Variants in TBX4 observed in about 807,000 individuals in gnomAD.
TBX4 encodes T-box transcription factor TBX4.
In TBX4, 13 loss-of-function variants were observed where a neutral mutation model predicts 54.6. The observed-to-expected ratio is 0.24, with a 90% CI of 0.15 to 0.38. The LOEUF is 0.38. Ranked by LOEUF, TBX4 falls within the 10% of genes least tolerant of loss-of-function variation. The pLI is 1.00. For missense variants in TBX4, 631 were observed against 728.5 expected (o/e 0.87, Z 1.54); for synonymous variants, 314 against 306.7 (o/e 1.02, Z -0.25).
chr17:61,477,923 A>G lies in TBX4; in HGVS notation c.550-704A>G, dbSNP rs567051311. ...GGCACTGCAGTCCAGCCTGGGCAACAAGAGTGAGATTCCATCTCAAAAAAA... is the reference window on the plus strand; with the variant it reads ...GGCACTGCAGTCCAGCCTGGGCAACGAGAGTGAGATTCCATCTCAAAAAAA... On this transcript the variant is annotated intron_variant, in intron 5 of 8. Coordinates refer to ENST00000644296, the MANE Select transcript of TBX4 (RefSeq NM_001321120.2). 7.5e-4 allele frequency among the ~76,000 whole-genome samples: 112 copies of G among 149,186 alleles called. 1 individual carries two copies. The highest frequency in any genetic ancestry group is 1.3e-3 in the Non-Finnish European group (90 of 67,366).
rs2060460260 is a variant in TBX4, at chr17:61,457,421, T to A, written c.187-116T>A. The A allele has an allele frequency of 2.3e-6, 2 of 870,916 alleles. No individual in the cohort carries two copies. The highest frequency in any genetic ancestry group is 1.9e-5 in the Admixed American group (1 of 51,608). The allele number at this position is 870,916 out of a possible 1,614,324, so 53.9% of individuals were successfully genotyped here. A position where few individuals can be genotyped will look rare whatever the true frequency, so the allele number is the denominator to read the frequency against. ...TTCTGTGAAACGAAATCTGGAGCCA[T>A]GGGCTCCGGGCGGGCAGGGTTCCGC... On this transcript the variant is annotated intron_variant, in intron 2 of 8. Transcript: ENST00000644296. This position sits in a 1 kb window ranked among gnomAD's most constrained non-coding sequence, Gnocchi z 8.2.
At chr17:61,466,050 C>T (rs1235761129) in intron 4 of TBX4, 112 bp downstream of exon 4, 1 of 1,533,664 alleles carries the variant, frequency 6.5e-7, no homozygotes, top group African/African-American at 1.4e-5. Flanking sequence ...CTGCCCAGGT[C>T]TGCAGGCTGG....
chr17:61,480,234 G>T lies in TBX4; in HGVS notation c.936G>T (p.Gln312His). The T allele has an allele frequency of 6.2e-7, 1 of 1,614,104 alleles. No individual in the cohort carries two copies. The highest frequency in any genetic ancestry group is 8.5e-7 in the Non-Finnish European group (1 of 1,180,012). ...HYQHENGAHSQLAEPQDLPLS... is the reference protein window; with the variant it reads ...HYQHENGAHSHLAEPQDLPLS... Reference sequence around the variant, plus strand: ...AGCACGAGAACGGGGCACACTCACAGCTCGCGGAGCCGCAGGACCTGCCCC... The same window carrying T: ...AGCACGAGAACGGGGCACACTCACATCTCGCGGAGCCGCAGGACCTGCCCC... The change falls in exon 8 of 9, where the codon CAG (glutamine) becomes CAT (histidine). Residue 312 changes from glutamine to histidine, a missense_variant. Gln to His is a conservative substitution (Grantham distance 24). Transcript: ENST00000644296. This position sits in a 1 kb window ranked among gnomAD's most constrained non-coding sequence, Gnocchi z 6.2.
intron 5 of TBX4, among the ~76,000 whole-genome samples, chr17:61,470,991 G>A (rs1486427679): frequency 6.6e-6 from 1 of 152,240 alleles, no homozygotes; most frequent in Admixed American, 6.5e-5. Context: ...TGGCATGCAG[G>A]TATCCCAGAT....
At position 61,480,685 on chromosome 17, in the gene TBX4, T is replaced by C. The variant is rs926109137; in HGVS notation, c.1021+366T>C. Among the ~76,000 whole-genome samples the C allele has an allele frequency of 1.4e-5, 2 of 147,424 alleles. No individual in the cohort carries two copies. Among genetic ancestry groups the C allele is most frequent in the African/African-American group, 2.7e-5 (1 of 37,424 alleles). On this transcript the variant is annotated intron_variant, in intron 8 of 8. Transcript: ENST00000644296. This position sits in a 1 kb window ranked among gnomAD's most constrained non-coding sequence, Gnocchi z 6.2. Reference sequence around the variant, plus strand: ...CTGACACTTCCCAGTCCAGAGGTTTTGGGATTGGGGCTGTTGTTTGTCAAA... The same window carrying C: ...CTGACACTTCCCAGTCCAGAGGTTTCGGGATTGGGGCTGTTGTTTGTCAAA...
At position 61,465,967 on chromosome 17, in the gene TBX4, G is replaced by A. The variant is rs141696556; in HGVS notation, c.401+29G>A. On this transcript the variant is annotated intron_variant, in intron 4 of 8. Coordinates refer to ENST00000644296, the MANE Select transcript of TBX4 (RefSeq NM_001321120.2). This position sits in a 1 kb window ranked among gnomAD's most constrained non-coding sequence, Gnocchi z 4.9. ...AGTGGACCCTGACCGCATCACCCAC[G>A]TTCCCTCAACTGCCCACTTGCCACG... The A allele has an allele frequency of 5.9e-3, 9,440 of 1,612,754 alleles. 40 individuals are homozygous for A. The highest frequency in any genetic ancestry group is 7.5e-3 in the Non-Finnish European group (8,865 of 1,179,142).
At position 61,469,270 on chromosome 17, in the gene TBX4, CAGTA is replaced by C. The variant is rs1479134769; in HGVS notation, c.549+1614_549+1617del. ...GAGCGCTCTGGCCTTCACAGCCCAGCAGTAGCTTTTCACAGCCTGGCTAACCTCT... is the reference window on the plus strand; with the variant it reads ...GAGCGCTCTGGCCTTCACAGCCCAGCGCTTTTCACAGCCTGGCTAACCTCT... On this transcript the variant is annotated intron_variant, in intron 5 of 8. Coordinates refer to ENST00000644296, the MANE Select transcript of TBX4 (RefSeq NM_001321120.2). Among the ~76,000 whole-genome samples the C allele has an allele frequency of 5.3e-5, 8 of 152,286 alleles. No individual in the cohort carries two copies. In the East Asian group the frequency reaches 1.5e-3, roughly 29 times the overall value.
At position 61,483,095 on chromosome 17, in the gene TBX4, G is replaced by C. The variant is rs145825881; in HGVS notation, c.1220G>C (p.Gly407Ala). 2 of 1,614,106 alleles carry C rather than the reference G, an allele frequency of 1.2e-6. No individual in the cohort carries two copies. ...GGGCCCGAGATTGCCGGGGTGTCTG[G>C]GGTGGACGACCTGCCCCCACCTCCG... ...GSGPEIAGVSGVDDLPPPPLS... is the reference protein window; with the variant it reads ...GSGPEIAGVSAVDDLPPPPLS... The change falls in exon 9 of 9, where the codon GGG becomes GCG. Residue 407 changes from glycine (G) to alanine (A), a missense_variant. This residue lies in a region of TBX4 where 354 missense variants were observed against 368.9 expected (regional missense o/e 0.96). Coordinates refer to ENST00000644296, the MANE Select transcript of TBX4 (RefSeq NM_001321120.2). The surrounding 1 kb of genome is among the most constrained non-coding windows in gnomAD (Gnocchi z 6.6).
In TBX4 at chr17:61,484,347, G is replaced by A. The variant is rs972422173; in HGVS notation, c.*831G>A. The A allele has an allele frequency of 6.6e-6, 1 of 152,024 alleles. No homozygotes were observed. Among genetic ancestry groups the A allele is most frequent in the African/African-American group, 2.4e-5 (1 of 41,356 alleles). The allele number at this position is 152,024 out of a possible 1,614,324, so 9.4% of individuals were successfully genotyped here. A position where few individuals can be genotyped will look rare whatever the true frequency, so the allele number is the denominator to read the frequency against. On this transcript the variant is annotated 3_prime_UTR_variant, in exon 9 of 9. Transcript: ENST00000644296. This position sits in a 1 kb window ranked among gnomAD's most constrained non-coding sequence, Gnocchi z 4.1. ...CCAACATACAGTCTCTCACTCTGGT[G>A]TGTGGAGAGTCAGCCTCCCAGGCAC...
Position 61,460,855 on chromosome 17 carries a change from T to G in TBX4, c.281+3224T>G, listed in dbSNP as rs1041996239. Among the ~76,000 whole-genome samples the G allele has an allele frequency of 2.0e-5, 3 of 152,214 alleles. No homozygotes were observed. Among genetic ancestry groups the G allele is most frequent in the African/African-American group, 7.2e-5 (3 of 41,454 alleles). The stretch of plus-strand genomic sequence containing the variant: ...TATCAGCCTTCATAGCCTGTTGAGT[T>G]CAATGTTGCTTGTGTTAGTGACAGT... On this transcript the variant is annotated intron_variant, in intron 3 of 8. Coordinates refer to ENST00000644296, the MANE Select transcript of TBX4 (RefSeq NM_001321120.2). This position sits in a 1 kb window ranked among gnomAD's most constrained non-coding sequence, Gnocchi z 4.4.
At chr17:61,463,790 C>G (rs1392437427) in intron 3 of TBX4, among the ~76,000 whole-genome samples, 1 of 152,222 alleles carries the variant, frequency 6.6e-6, no homozygotes, top group East Asian at 1.9e-4. Flanking sequence ...CCAGGGCTGC[C>G]CCATTTTGTG....
At chr17:61,453,171 A>G (rs926796954) in intron 1 of TBX4, among the ~76,000 whole-genome samples, 1 of 152,274 alleles carries the variant, frequency 6.6e-6, no homozygotes, top group Non-Finnish European at 1.5e-5. Context: ...ATACAATCAT[A>G]GTCACTTTCA....
In TBX4 at chr17:61,483,116, C is replaced by T. The variant is rs1285411305; in HGVS notation, c.1241C>T (p.Pro414Leu). The change falls in exon 9 of 9, where the codon CCT becomes CTT. Residue 414 changes from proline (P) to leucine (L), a missense_variant. This residue lies in a region of TBX4 where 354 missense variants were observed against 368.9 expected (regional missense o/e 0.96). Transcript: ENST00000644296. The surrounding 1 kb of genome is among the most constrained non-coding windows in gnomAD (Gnocchi z 6.6). Reference sequence around the variant, plus strand: ...TCTGGGGTGGACGACCTGCCCCCACCTCCGCTGAGCTGTAACATGTGGACT... The same window carrying T: ...TCTGGGGTGGACGACCTGCCCCCACTTCCGCTGAGCTGTAACATGTGGACT... Reference protein sequence around the residue: ...GVSGVDDLPPPPLSCNMWTSV... With the variant: ...GVSGVDDLPPLPLSCNMWTSV... 1.2e-6 allele frequency: 2 copies of T among 1,614,030 alleles called. No homozygotes were observed. Among genetic ancestry groups the T allele is most frequent in the East Asian group, 4.5e-5 (2 of 44,872 alleles).
chr17:61,452,791 T>C (rs1400715818), intron 1 of TBX4: 1 of 521,126 alleles, frequency 1.9e-6, no homozygotes, highest in Admixed American at 6.4e-5. Flanking sequence ...CACCCAGTAG[T>C]TGGGGCACGA....
chr17:61,473,102 A>T (rs879572866), intron 5 of TBX4, among the ~76,000 whole-genome samples: 2 of 152,206 alleles, frequency 1.3e-5, no homozygotes, highest in Non-Finnish European at 2.9e-5. Flanking sequence ...TCCTTAAATT[A>T]TAAATTTACT....
chr17:61,482,989 C>T lies in TBX4; in HGVS notation c.1114C>T (p.Pro372Ser), dbSNP rs199727670. 6 of 1,614,086 alleles carry T rather than the reference C, an allele frequency of 3.7e-6. No individual in the cohort carries two copies. The highest frequency in any genetic ancestry group is 3.4e-6 in the Non-Finnish European group (4 of 1,179,996). The change falls in exon 9 of 9, where the codon CCT becomes TCT. Residue 372 changes from proline to serine, a missense_variant. By Grantham distance (74) the Pro-to-Ser change is moderately conservative. Transcript: ENST00000644296. ...VGEDHYFRSP[P>S]PYDQQMLSPS... ...GGAGGATCACTATTTCCGTTCCCCC[C>T]CTCCCTACGACCAGCAAATGCTGAG...
rs2060661698 is a variant in TBX4 at position 61,481,297 on chromosome 17, G to A, written c.1021+978G>A. ...TTTTAGTGTCCATAAAGTTTTATTG[G>A]AACACAGCCATACCCATTTACTTAC... On this transcript the variant is annotated intron_variant, in intron 8 of 8. Transcript: ENST00000644296. The surrounding 1 kb of genome is among the most constrained non-coding windows in gnomAD (Gnocchi z 4.8). The A allele has an allele frequency of 6.6e-6, 1 of 152,208 alleles. No homozygotes were observed. The highest frequency in any genetic ancestry group is 2.1e-4 in the South Asian group (1 of 4,834). 9.4% of individuals were successfully genotyped at this position (152,208 alleles called of 1,614,324 possible). A position where few individuals can be genotyped will look rare whatever the true frequency, so the allele number is the denominator to read the frequency against.
At chr17:61,452,963 C>G (rs1465893097) in intron 1 of TBX4, 18 of 985,290 alleles carry the variant, frequency 1.8e-5, no homozygotes, top group Non-Finnish European at 2.2e-5. Flanking sequence ...GGCCCCGGTA[C>G]TGGAGCGAAA....
In TBX4 at chr17:61,464,071, C is replaced by T. The variant is rs2143816418; in HGVS notation, c.282-1748C>T. 6.6e-6 allele frequency: 1 copy of T among 152,368 alleles called. No homozygotes were observed. The highest frequency in any genetic ancestry group is 2.1e-4 in the South Asian group (1 of 4,828). 9.4% of individuals were successfully genotyped at this position (152,368 alleles called of 1,614,324 possible). On this transcript the variant is annotated intron_variant, in intron 3 of 8. Coordinates refer to ENST00000644296, the MANE Select transcript of TBX4 (RefSeq NM_001321120.2). This position sits in a 1 kb window ranked among gnomAD's most constrained non-coding sequence, Gnocchi z 5.8. Reference sequence around the variant, plus strand: ...GGGGTGGGGTGGGTATTTGAAAATGCTTTCAATTGACATCTGAGACAAATT... The same window carrying T: ...GGGGTGGGGTGGGTATTTGAAAATGTTTTCAATTGACATCTGAGACAAATT...
Sources: gnomAD v4.1 joint callset for allele counts (sites outside exome capture counted in the v4.1 genomes callset) on GRCh38, gnomAD v4.1.1 for gene constraint, gnomAD v4.1.1 regional missense constraint, Gnocchi (gnomAD v3.1) non-coding constraint, MANE v1.5 for transcripts, NCBI Gene and HGNC (gene_info 2026-07-23, HGNC 2026-07-21) for gene names.